LGALS13: variants seen among roughly 807,000 people sequenced by gnomAD.
LGALS13 encodes galectin 13.
Under a neutral mutation model 13.2 loss-of-function variants are expected in LGALS13, and 11 were observed. That is an observed-to-expected ratio of 0.83 (90% CI 0.52 to 1.38). The LOEUF (loss-of-function observed/expected upper bound fraction) is 1.38, where lower values mean the gene tolerates loss of function less well. Among genes scored for constraint, LGALS13 ranks in the 40% most tolerant of loss-of-function variants. The pLI, the probability that LGALS13 is intolerant of heterozygous loss-of-function variation, is 0.00. For synonymous variants in LGALS13, 71 were observed against 63.7 expected (o/e 1.11, Z -0.54); for missense variants, 183 against 174.3 (o/e 1.05, Z -0.28).
In LGALS13 at chr19:39,604,683, G is replaced by T; in HGVS notation, c.92+5G>T. On this transcript the variant is annotated splice_donor_5th_base_variant and intron_variant, in intron 2 of 3. Transcript: ENST00000221797. Reference sequence around the variant, plus strand: ...GACACCAATCCACTCTTTTATGTGAGTACTCCATGGTCCAATGGAGGGGTT... The same window carrying T: ...GACACCAATCCACTCTTTTATGTGATTACTCCATGGTCCAATGGAGGGGTT... 6.2e-7 allele frequency: 1 copy of T among 1,614,094 alleles called. No homozygotes were observed. Among genetic ancestry groups the T allele is most frequent in the Non-Finnish European group, 8.5e-7 (1 of 1,179,938 alleles).
At chr19:39,605,045 C>T in intron 2 of LGALS13, 133 bp from the exon 3 acceptor site, 2 of 796,728 alleles carry the variant, frequency 2.5e-6, no homozygotes, top group East Asian at 2.7e-5. Context: ...AGCATCCCCA[C>T]AGGGACCTGG....
chr19:39,604,343 T>C (rs1204783578), intron 1 of LGALS13, among the ~76,000 whole-genome samples: 2 of 152,134 alleles, frequency 1.3e-5, no homozygotes, highest in Non-Finnish European at 2.9e-5. Flanking sequence ...AGAGTTCAAG[T>C]AGCAAATCTA....
At chr19:39,606,686 G>A (rs1048070267) in intron 3 of LGALS13, among the ~76,000 whole-genome samples, 1 of 152,176 alleles carries the variant, frequency 6.6e-6, no homozygotes, top group Non-Finnish European at 1.5e-5. Flanking sequence ...ATGCTTAGAA[G>A]TTTTTGAAGG....
At chr19:39,606,226 G>A (rs186585480) in intron 3 of LGALS13, among the ~76,000 whole-genome samples, 4 of 152,288 alleles carry the variant, frequency 2.6e-5, no homozygotes, top group Non-Finnish European at 5.9e-5. Context: ...CCTGGTATAA[G>A]TTGCTCTACA....
chr19:39,606,374 C>T (rs990191640), intron 3 of LGALS13, among the ~76,000 whole-genome samples: 3 of 152,170 alleles, frequency 2.0e-5, no homozygotes, highest in Non-Finnish European at 4.4e-5. Flanking sequence ...TGGAACTTGG[C>T]CCTTTTGGGG....
chr19:39,603,538 A>C (rs1312575347), intron 1 of LGALS13, among the ~76,000 whole-genome samples: 1 of 151,802 alleles, frequency 6.6e-6, no homozygotes, highest in East Asian at 2.0e-4. Flanking sequence ...TCAGTTCAGA[A>C]GGAGCTTACA....
chr19:39,605,643 C>G (rs1972677263), intron 3 of LGALS13, among the ~76,000 whole-genome samples: 1 of 151,982 alleles, frequency 6.6e-6, no homozygotes, highest in Non-Finnish European at 1.5e-5. Context: ...ACATACTGCT[C>G]ATTTCTACTT....
chr19:39,606,108 A>G (rs1972684900), intron 3 of LGALS13, among the ~76,000 whole-genome samples: 1 of 152,192 alleles, frequency 6.6e-6, no homozygotes, highest in African/African-American at 2.4e-5. Context: ...TGGCCTCTCA[A>G]TATAATGGGA....
chr19:39,606,575 T>C (rs919763060), intron 3 of LGALS13, among the ~76,000 whole-genome samples: 2 of 152,232 alleles, frequency 1.3e-5, no homozygotes, highest in African/African-American at 4.8e-5. Context: ...ACTTTCTCTA[T>C]AGCCTCAATA....
In LGALS13 at chr19:39,604,772, G is replaced by T. The variant is rs188935525; in HGVS notation, c.92+94G>T. 2.9e-5 allele frequency: 43 copies of T among 1,492,114 alleles called. No homozygotes were observed. The Admixed American group carries it at 6.5e-4, about 23-fold the overall frequency. The allele number at this position is 1,492,114 out of a possible 1,614,324, so 92.4% of individuals were successfully genotyped here. ...CATGTGGGTGATGTGGAAATGTCTAGTTGGCAGAATGGAGGCCCCATGCAG... is the reference window on the plus strand; with the variant it reads ...CATGTGGGTGATGTGGAAATGTCTATTTGGCAGAATGGAGGCCCCATGCAG... On this transcript the variant is annotated intron_variant, in intron 2 of 3. Coordinates refer to ENST00000221797, the MANE Select transcript of LGALS13 (RefSeq NM_013268.3).
intron 3 of LGALS13, among the ~76,000 whole-genome samples, chr19:39,605,872 G>A (rs1972681381): frequency 6.6e-6 from 1 of 152,094 alleles, no homozygotes; most frequent in Non-Finnish European, 1.5e-5. Flanking sequence ...TCTTGAGATA[G>A]AGTCTCATTT....
rs367590521 is a variant in LGALS13, at chr19:39,607,133, G to A, written c.304-90G>A. On this transcript the variant is annotated intron_variant, in intron 3 of 3. Transcript: ENST00000221797. Reference sequence around the variant, plus strand: ...TTGTATAACTAGGAATTTTCTTGGGGAATGTTATTTGTACCAGGACAGAGT... The same window carrying A: ...TTGTATAACTAGGAATTTTCTTGGGAAATGTTATTTGTACCAGGACAGAGT... The A allele has an allele frequency of 5.8e-6, 5 of 866,346 alleles. 1 individual carries two copies. The African/African-American group carries it at 8.2e-5, about 14-fold the overall frequency. 53.7% of individuals were successfully genotyped at this position (866,346 alleles called of 1,614,324 possible). A position where few individuals can be genotyped will look rare whatever the true frequency, so the allele number is the denominator to read the frequency against.
At chr19:39,603,817 A>G in intron 1 of LGALS13, 1 of 446,258 alleles carries the variant, frequency 2.2e-6, no homozygotes. Context: ...GCATCCCTGC[A>G]TGTCAGCCTG....
In LGALS13 at chr19:39,605,268, T is replaced by A. The variant is rs112921476; in HGVS notation, c.183T>A (p.His61Gln). ...AFRFRVHFGN[H>Q]VVMNRREFGI... is the part of the protein sequence containing the mutation. ...GTTTCCGAGTGCACTTTGGCAATCATGTGGTCATGAACAGGCGTGAGTTTG... is the reference window on the plus strand; with the variant it reads ...GTTTCCGAGTGCACTTTGGCAATCAAGTGGTCATGAACAGGCGTGAGTTTG... The change falls in exon 3 of 4, where the codon CAT (histidine) becomes CAA (glutamine). Residue 61 changes from histidine to glutamine, a missense_variant. Transcript: ENST00000221797. The A allele has an allele frequency of 1.2e-6, 2 of 1,614,192 alleles. No individual in the cohort carries two copies. The highest frequency in any genetic ancestry group is 1.7e-6 in the Non-Finnish European group (2 of 1,180,022).
At chr19:39,604,776 G>T in intron 2 of LGALS13, 98 bp downstream of exon 2, 1 of 1,423,594 alleles carries the variant, frequency 7.0e-7, no homozygotes, top group African/African-American at 1.4e-5. Flanking sequence ...TGTCTAGTTG[G>T]CAGAATGGAG....
chr19:39,602,721 C>A, intron 1 of LGALS13, 138 bp downstream of exon 1: 1 of 861,896 alleles, frequency 1.2e-6, no homozygotes, highest in Non-Finnish European at 1.9e-6. Flanking sequence ...GGAATAGAAA[C>A]CCTGAGGCTA....
At chr19:39,606,829 A>G (rs1972696418) in intron 3 of LGALS13, among the ~76,000 whole-genome samples, 1 of 152,240 alleles carries the variant, frequency 6.6e-6, no homozygotes, top group Non-Finnish European at 1.5e-5. Context: ...AAACAATCAC[A>G]GTTCATGGAA....
At chr19:39,606,489 A>T (rs930988416) in intron 3 of LGALS13, among the ~76,000 whole-genome samples, 1 of 152,222 alleles carries the variant, frequency 6.6e-6, no homozygotes, top group Non-Finnish European at 1.5e-5. Flanking sequence ...GTACTAGAAG[A>T]TAATTACAAA....
At position 39,605,351 on chromosome 19, in the gene LGALS13, T is replaced by A; in HGVS notation, c.266T>A (p.Phe89Tyr). The A allele has an allele frequency of 6.2e-7, 1 of 1,614,198 alleles. No homozygotes were observed. The highest frequency in any genetic ancestry group is 1.3e-5 in the African/African-American group (1 of 75,046). Residue 89 changes from phenylalanine to tyrosine, a missense_variant, in exon 3 of 4, where the codon TTT becomes TAT. Physicochemically the swap from Phe to Tyr is conservative, Grantham distance 22. Transcript: ENST00000221797. ...GTGCCCTTTGAGGATGGCAAACAAT[T>A]TGAGCTGTGCATCTACGTACATTAC... Reference protein sequence around the residue: ...DYVPFEDGKQFELCIYVHYNE... With the variant: ...DYVPFEDGKQYELCIYVHYNE...
Sources: allele counts gnomAD v4.1 joint callset (sites outside exome capture counted in the v4.1 genomes callset), GRCh38; gene constraint gnomAD v4.1.1; transcripts MANE v1.5; gene names NCBI Gene and HGNC (gene_info 2026-07-23, HGNC 2026-07-21).